The following TSHR variants were observed in gnomAD, a reference collection of about 807,000 sequenced individuals.
TSHR encodes thyroid stimulating hormone receptor.
A neutral mutation model predicts 64.1 loss-of-function variants in TSHR; 51 were observed. The ratio of observed to expected loss-of-function variants is 0.80; its 90% CI spans 0.64 to 1.01. TSHR has a LOEUF of 1.01. Ranked by LOEUF, TSHR falls within the 50% of genes least tolerant of loss-of-function variation. The pLI, the probability that TSHR is intolerant of heterozygous loss-of-function variation, is 0.00. For missense variants in TSHR, 877 were observed against 942.8 expected (o/e 0.93, Z 0.91); for synonymous variants, 361 against 361.9 (o/e 1.00, Z 0.03).
intron 1 of TSHR, among the ~76,000 whole-genome samples, chr14:80,961,026 C>A (rs1886994455): frequency 6.6e-6 from 1 of 152,232 alleles, no homozygotes; most frequent in Non-Finnish European, 1.5e-5. Flanking sequence ...GCTGGCAAGC[C>A]ATAGCTGCTG....
intron 3 of TSHR, among the ~76,000 whole-genome samples, chr14:81,083,780 A>G (rs80199516): frequency 0.021 from 3,193 of 152,318 alleles, 205 homozygotes; most frequent in East Asian, 0.16. Flanking sequence ...TTATAAAGGA[A>G]AGAGGTTTCA....
intron 1 of TSHR, among the ~76,000 whole-genome samples, chr14:80,967,273 C>T (rs1887368823): frequency 1.4e-5 from 2 of 145,198 alleles, no homozygotes; most frequent in South Asian, 2.2e-4. Context: ...ACAAGCAAGA[C>T]CTGACTTACA....
intron 1 of TSHR, among the ~76,000 whole-genome samples, chr14:81,034,753 C>T (rs1033806173): frequency 2.0e-5 from 3 of 152,180 alleles, no homozygotes; most frequent in South Asian, 4.1e-4. Context: ...TTGGGGTTTG[C>T]GAAAATTGTC....
At chr14:80,974,081 G>T (rs945528844) in intron 1 of TSHR, among the ~76,000 whole-genome samples, 1 of 152,184 alleles carries the variant, frequency 6.6e-6, no homozygotes, top group Admixed American at 6.5e-5. Flanking sequence ...CTGGTAGCAT[G>T]ATGTAACAGA....
intron 8 of TSHR, among the ~76,000 whole-genome samples, chr14:81,120,195 A>T (rs557243367): frequency 1.2e-4 from 19 of 152,224 alleles, no homozygotes; most frequent in East Asian, 7.7e-4. Flanking sequence ...AAAAAATAAA[A>T]AAATAAAAAA....
At chr14:81,031,669 A>G (rs979489330) in intron 1 of TSHR, among the ~76,000 whole-genome samples, 1 of 152,316 alleles carries the variant, frequency 6.6e-6, no homozygotes, top group African/African-American at 2.4e-5. Flanking sequence ...CAGTGGATCT[A>G]TCCCATGCTC....
intron 1 of TSHR, among the ~76,000 whole-genome samples, chr14:81,006,549 T>C (rs917668783): frequency 2.6e-5 from 4 of 152,110 alleles, no homozygotes; most frequent in Admixed American, 2.0e-4. Context: ...AGTCTTGCTC[T>C]GTCACCAGGC....
intron 3 of TSHR, among the ~76,000 whole-genome samples, chr14:81,072,752 C>T (rs1457225276): frequency 7.2e-6 from 1 of 138,288 alleles, no homozygotes; most frequent in African/African-American, 3.4e-5. Flanking sequence ...AAGTGAAAAG[C>T]TTTGGGAGGC....
chr14:81,122,748 C>A (rs956195712), intron 8 of TSHR, among the ~76,000 whole-genome samples: 2 of 152,152 alleles, frequency 1.3e-5, no homozygotes, highest in Non-Finnish European at 2.9e-5. Flanking sequence ...ACATCAGACA[C>A]CAGACTGCAG....
chr14:81,087,916 A>G (rs749003005), intron 3 of TSHR, 38 bp from the exon 4 acceptor site: 16 of 1,358,730 alleles, frequency 1.2e-5, no homozygotes, highest in Non-Finnish European at 1.6e-5. Context: ...ACAGATACGG[A>G]TGCATTATAG....
At position 81,110,246 on chromosome 14, in the gene TSHR, T is replaced by C. The variant is rs140894811; in HGVS notation, c.692+1794T>C. ...TGCTGAAGCCTTAACCTCTAGCATCTTAGTATGTGACTGTATTTGAAGATA... is the reference window on the plus strand; with the variant it reads ...TGCTGAAGCCTTAACCTCTAGCATCCTAGTATGTGACTGTATTTGAAGATA... On this transcript the variant is annotated intron_variant, in intron 8 of 9. Coordinates refer to ENST00000298171, the MANE Select transcript of TSHR (RefSeq NM_000369.5). 4.9e-3 allele frequency among the ~76,000 whole-genome samples: 739 copies of C among 152,314 alleles called. 8 individuals are homozygous for C. The highest frequency in any genetic ancestry group is 0.017 in the African/African-American group (711 of 41,564).
At chr14:81,057,016 G>A (rs1007507636) in intron 1 of TSHR, among the ~76,000 whole-genome samples, 2 of 152,082 alleles carry the variant, frequency 1.3e-5, no homozygotes, top group Non-Finnish European at 2.9e-5. Flanking sequence ...ATCCTTGTGG[G>A]TCTACACCCC....
At chr14:81,067,621 T>C (rs1418435132) in intron 2 of TSHR, among the ~76,000 whole-genome samples, 2 of 149,358 alleles carry the variant, frequency 1.3e-5, no homozygotes, top group Non-Finnish European at 3.0e-5. Context: ...TAGAATCAGC[T>C]AAGAAGCTTT....
At chr14:81,079,025 T>C (rs1005602143) in intron 3 of TSHR, 2 of 152,160 alleles carry the variant, frequency 1.3e-5, no homozygotes, top group East Asian at 1.9e-4. Flanking sequence ...AGCAATTATA[T>C]GTCAGTTAAC....
chr14:81,067,323 G>A (rs895319924), intron 2 of TSHR, among the ~76,000 whole-genome samples: 2 of 151,620 alleles, frequency 1.3e-5, no homozygotes, highest in Non-Finnish European at 2.9e-5. Context: ...AATAAGAGTC[G>A]ACAACATGCC....
chr14:81,089,754 A>G (rs1354303080), intron 4 of TSHR, among the ~76,000 whole-genome samples: 3 of 152,064 alleles, frequency 2.0e-5, no homozygotes, highest in African/African-American at 7.2e-5. Context: ...TTTCCCTCCT[A>G]CTGTTCTTCA....
At chr14:80,961,973 CTT>C (rs1887056349) in intron 1 of TSHR, among the ~76,000 whole-genome samples, 1 of 152,114 alleles carries the variant, frequency 6.6e-6, no homozygotes, top group South Asian at 2.1e-4. Flanking sequence ...TTATATTAAA[CTT>C]TATAAGTACC....
chr14:81,106,226 C>T (rs1889884240), intron 7 of TSHR, among the ~76,000 whole-genome samples: 1 of 152,210 alleles, frequency 6.6e-6, no homozygotes, highest in Admixed American at 6.5e-5. Flanking sequence ...GGGCTATACC[C>T]TTGAGGTGTT....
At chr14:81,106,023 A>G (rs559756972) in intron 7 of TSHR, among the ~76,000 whole-genome samples, 1 of 152,098 alleles carries the variant, frequency 6.6e-6, no homozygotes, top group South Asian at 2.1e-4. Context: ...CCATGGACAT[A>G]GTGGGTTAAA....
Sources: allele counts gnomAD v4.1 joint callset (sites outside exome capture counted in the v4.1 genomes callset), GRCh38; gene constraint gnomAD v4.1.1; transcripts MANE v1.5; gene names NCBI Gene and HGNC (gene_info 2026-07-23, HGNC 2026-07-21).